Variants in SGCD observed in about 807,000 individuals in gnomAD.
SGCD encodes sarcoglycan delta, also known as delta-sarcoglycan.
A neutral mutation model predicts 36.6 loss-of-function variants in SGCD; 18 were observed. That is an observed-to-expected ratio of 0.49 (90% CI 0.34 to 0.73). The LOEUF (loss-of-function observed/expected upper bound fraction) is 0.73. Ranked by LOEUF, SGCD falls within the 30% of genes least tolerant of loss-of-function variation. The pLI, the probability that SGCD is intolerant of heterozygous loss-of-function variation, is 0.01. For synonymous variants in SGCD, 133 were observed against 130.6 expected, an observed-to-expected ratio of 1.02 and a Z score of -0.12; for missense variants, 387 against 346.7, an observed-to-expected ratio of 1.12 and a Z score of -0.92.
the SGCD span, among the ~76,000 whole-genome samples, chr5:155,758,283 T>C: frequency 3.9e-5 from 6 of 152,152 alleles, no homozygotes. Context: ...AACCAGGCTA[T>C]AACAGCCGTG....
chr5:156,549,693 C>T (rs978459007), intron 4 of SGCD, among the ~76,000 whole-genome samples: 1 of 152,224 alleles, frequency 6.6e-6, no homozygotes, highest in African/African-American at 2.4e-5. Context: ...CATTCAACTG[C>T]TGAATGTGTA....
At chr5:156,685,548 G>A (rs906455216) in intron 7 of SGCD, among the ~76,000 whole-genome samples, 3 of 152,160 alleles carry the variant, frequency 2.0e-5, no homozygotes, top group Admixed American at 6.6e-5. Flanking sequence ...TTTTGCCTTA[G>A]TTTGTAGCTC....
upstream of SGCD, among the ~76,000 whole-genome samples, chr5:155,869,857 G>C (rs1755597794): frequency 6.6e-6 from 1 of 152,104 alleles, no homozygotes; most frequent in Non-Finnish European, 1.5e-5. Context: ...AAATTAGCTG[G>C]ATGTGGCGGT....
chr5:155,943,401 T>C (rs1757373075), intron 1 of SGCD, among the ~76,000 whole-genome samples: 1 of 152,102 alleles, frequency 6.6e-6, no homozygotes, highest in Non-Finnish European at 1.5e-5. Context: ...GGGAAGAATC[T>C]ACCCTGGGAG....
At position 156,042,187 on chromosome 5, in the gene SGCD, AT is replaced by A. The variant is rs397882265; in HGVS notation, c.-281-75679del. On this transcript the variant is annotated intron_variant, in intron 1 of 9. Transcript: ENST00000517913. The stretch of plus-strand genomic sequence containing the variant: ...GAATTTATAAGTAATTAAAATAGGT[AT>A]TTTTTTTTTTTGTCGATAGAAGAAA... Among the ~76,000 whole-genome samples, 687 of 146,590 alleles carry A rather than the reference AT, an allele frequency of 4.7e-3. 6 individuals carry two copies. Among genetic ancestry groups the A allele is most frequent in the South Asian group, 0.014 (65 of 4,650 alleles).
chr5:156,310,077 G>A (rs1767351710), intron 3 of SGCD, among the ~76,000 whole-genome samples: 2 of 152,050 alleles, frequency 1.3e-5, no homozygotes, highest in Admixed American at 1.3e-4. Flanking sequence ...ATTAGCATAA[G>A]GTGTCAACTT....
the SGCD span, among the ~76,000 whole-genome samples, chr5:155,850,993 C>A: frequency 1.3e-5 from 2 of 152,122 alleles, no homozygotes; most frequent in East Asian, 3.9e-4. Flanking sequence ...ATGAGATGTG[C>A]ATTTTATTAC....
At chr5:156,098,167 A>C (rs1446566989) in intron 1 of SGCD, among the ~76,000 whole-genome samples, 1 of 152,142 alleles carries the variant, frequency 6.6e-6, no homozygotes, top group African/African-American at 2.4e-5. Flanking sequence ...GGCCTTTTCC[A>C]GTTATTGTTT....
intron 3 of SGCD, among the ~76,000 whole-genome samples, chr5:156,150,748 C>T (rs955256299): frequency 3.3e-5 from 5 of 151,596 alleles, no homozygotes; most frequent in African/African-American, 7.3e-5. Context: ...GGCAGTTCTA[C>T]GCGGTGACTT....
chr5:156,675,959 C>T (rs540617969), intron 7 of SGCD, among the ~76,000 whole-genome samples: 90 of 152,260 alleles, frequency 5.9e-4, no homozygotes, highest in African/African-American at 2.1e-3. Flanking sequence ...AACAAGACGC[C>T]TTGTCTGGCT....
intron 3 of SGCD, among the ~76,000 whole-genome samples, chr5:156,434,995 G>A (rs185912357): frequency 2.1e-4 from 32 of 152,266 alleles, no homozygotes; most frequent in Non-Finnish European, 3.2e-4. Flanking sequence ...ACACTTAAGC[G>A]TGTCATGTGG....
the SGCD span, among the ~76,000 whole-genome samples, chr5:155,802,611 C>T: frequency 3.9e-5 from 6 of 152,170 alleles, no homozygotes; most frequent in African/African-American, 9.7e-5. Flanking sequence ...CATATGCTTG[C>T]GTATCTATAA....
chr5:156,118,399 AG>A (rs1380851328), intron 2 of SGCD, among the ~76,000 whole-genome samples: 2 of 152,218 alleles, frequency 1.3e-5, no homozygotes, highest in East Asian at 3.9e-4. Context: ...CTTAAGGCAA[AG>A]GGGGGACCTG....
chr5:156,411,297 A>G (rs1772738046), intron 3 of SGCD, among the ~76,000 whole-genome samples: 1 of 152,134 alleles, frequency 6.6e-6, no homozygotes, highest in African/African-American at 2.4e-5. Flanking sequence ...TTAGCTCATG[A>G]GTCATTTCCT....
chr5:156,692,030 C>A (rs1050681529), intron 7 of SGCD, among the ~76,000 whole-genome samples: 1 of 152,142 alleles, frequency 6.6e-6, no homozygotes, highest in Non-Finnish European at 1.5e-5. Flanking sequence ...GCTAGACTTT[C>A]AACTTGTGAC....
intron 3 of SGCD, among the ~76,000 whole-genome samples, chr5:156,221,227 A>T (rs115645614): frequency 5.0e-4 from 76 of 152,216 alleles, no homozygotes; most frequent in Non-Finnish European, 8.2e-4. Flanking sequence ...TGGGGGTGGC[A>T]CCTGGTGAGG....
chr5:155,762,471 T>A, the SGCD span, among the ~76,000 whole-genome samples: 1 of 152,256 alleles, frequency 6.6e-6, no homozygotes, highest in Non-Finnish European at 1.5e-5. Flanking sequence ...GTTTGCAATG[T>A]ACCTTTGTAT....
intron 3 of SGCD, among the ~76,000 whole-genome samples, chr5:156,407,998 C>T (rs897302621): frequency 3.4e-4 from 52 of 152,140 alleles, no homozygotes; most frequent in African/African-American, 9.4e-4. Flanking sequence ...TGCTTGGTTT[C>T]GGGAATATTC....
At chr5:156,720,851 G>C (rs1413210613) in intron 7 of SGCD, among the ~76,000 whole-genome samples, 9 of 152,152 alleles carry the variant, frequency 5.9e-5, no homozygotes, top group Non-Finnish European at 1.2e-4. Flanking sequence ...TGACTGTGGG[G>C]GCAGGGAGGA....
Sources: gnomAD v4.1 joint callset for allele counts (sites outside exome capture counted in the v4.1 genomes callset) on GRCh38, gnomAD v4.1.1 for gene constraint, MANE v1.5 for transcripts, NCBI Gene and HGNC (gene_info 2026-07-23, HGNC 2026-07-21) for gene names.